Variants in ENPEP observed in about 807,000 individuals in gnomAD.
The protein encoded by ENPEP is glutamyl aminopeptidase, also known as AP-A.
A neutral mutation model predicts 114.5 loss-of-function variants in ENPEP; 103 were observed. The ratio of observed to expected loss-of-function variants is 0.90; its 90% CI spans 0.77 to 1.06. The LOEUF is 1.06. Among genes scored for constraint, ENPEP ranks in the 50% least tolerant of loss-of-function variants. The pLI is 0.00. For missense variants in ENPEP, 1,196 were observed against 1,161.3 expected (o/e 1.03, Z -0.43); for synonymous variants, 420 against 422.0 (o/e 1.00, Z 0.06).
At chr4:110,507,308 G>A (rs914910852) in intron 4 of ENPEP, among the ~76,000 whole-genome samples, 1 of 152,142 alleles carries the variant, frequency 6.6e-6, no homozygotes, top group African/African-American at 2.4e-5. Context: ...TCTTCATAAA[G>A]CAAAAGTGGG....
intron 3 of ENPEP, among the ~76,000 whole-genome samples, chr4:110,494,463 T>C (rs543080118): frequency 1.8e-4 from 28 of 152,364 alleles, no homozygotes; most frequent in African/African-American, 6.7e-4. Flanking sequence ...AGTATTATTC[T>C]GGTACATTAA....
In ENPEP at chr4:110,476,566, C is replaced by G. The variant is rs199759636; in HGVS notation, c.152C>G (p.Pro51Arg). 1.5e-5 allele frequency: 24 copies of G among 1,613,362 alleles called. No individual in the cohort carries two copies. The highest frequency in any genetic ancestry group is 2.0e-5 in the Non-Finnish European group (24 of 1,179,508). Residue 51 changes from proline to arginine, a missense_variant, in exon 1 of 20, where the codon CCG (proline) becomes CGG (arginine). Pro to Arg is a moderately radical substitution (Grantham distance 103, BLOSUM62 -2). Transcript: ENST00000265162. Reference sequence around the variant, plus strand: ...TGTGACTCCAGCGGGGACGGCGGGCCGGGCACTGCGCCAGCTCCTTCCCAC... The same window carrying G: ...TGTGACTCCAGCGGGGACGGCGGGCGGGGCACTGCGCCAGCTCCTTCCCAC... Reference protein sequence around the residue: ...RSCDSSGDGGPGTAPAPSHLP... With the variant: ...RSCDSSGDGGRGTAPAPSHLP...
chr4:110,537,232 AG>A (rs1415012729), intron 11 of ENPEP, among the ~76,000 whole-genome samples: 2 of 152,204 alleles, frequency 1.3e-5, no homozygotes, highest in African/African-American at 4.8e-5. Context: ...CTTTCACAAA[AG>A]GTTTCTTTGA....
At chr4:110,531,669 T>G (rs1371684281) in intron 11 of ENPEP, among the ~76,000 whole-genome samples, 1 of 152,138 alleles carries the variant, frequency 6.6e-6, no homozygotes, top group Non-Finnish European at 1.5e-5. Flanking sequence ...TCCCATTAAA[T>G]TAGACCATTT....
In ENPEP at chr4:110,520,267, G is replaced by A. The variant is rs1397104543; in HGVS notation, c.1628G>A (p.Gly543Asp). Reference protein sequence around the residue: ...EVMDTWTRQMGYPVLNVNGVK... With the variant: ...EVMDTWTRQMDYPVLNVNGVK... ...ATGGACACCTGGACCAGACAGATGG[G>A]TTATCCTGTGCTTAACGTGAACGGT... Residue 543 changes from glycine (G) to aspartate (D), a missense_variant, in exon 10 of 20, where the codon GGT becomes GAT. Coordinates refer to ENST00000265162, the MANE Select transcript of ENPEP (RefSeq NM_001977.4). 1.2e-6 allele frequency: 2 copies of A among 1,613,884 alleles called. No individual in the cohort carries two copies. The highest frequency in any genetic ancestry group is 1.7e-6 in the Non-Finnish European group (2 of 1,179,892).
At chr4:110,523,449 A>T (rs1726081142) in intron 10 of ENPEP, among the ~76,000 whole-genome samples, 1 of 152,154 alleles carries the variant, frequency 6.6e-6, no homozygotes, top group African/African-American at 2.4e-5. Context: ...AGCAGATAGA[A>T]TGATTTTATG....
At chr4:110,551,954 T>G (rs1163672425) in intron 17 of ENPEP, among the ~76,000 whole-genome samples, 2 of 152,140 alleles carry the variant, frequency 1.3e-5, no homozygotes, top group Non-Finnish European at 2.9e-5. Context: ...TCATTGATCA[T>G]ATTTTACCTT....
At chr4:110,556,361 T>C (rs1472553732) in intron 18 of ENPEP, among the ~76,000 whole-genome samples, 1 of 152,118 alleles carries the variant, frequency 6.6e-6, no homozygotes, top group Non-Finnish European at 1.5e-5. Context: ...TGGAAACATA[T>C]TATAAATATG....
intron 13 of ENPEP, 115 bp downstream of exon 13, chr4:110,543,185 C>A: frequency 1.0e-6 from 1 of 995,732 alleles, no homozygotes; most frequent in African/African-American, 1.6e-5. Context: ...ATATCCAAAG[C>A]CACTATTTAA....
At chr4:110,489,683 CCCTATAATGGATAATGTTGTTA>C (rs1560551893) in intron 2 of ENPEP, among the ~76,000 whole-genome samples, 10 of 152,184 alleles carry the variant, frequency 6.6e-5, no homozygotes, top group Non-Finnish European at 1.5e-4. Context: ...TTTGTCTCAT[CCCTATAATGGATAATGTTGTTA>C]CCTAGAGTTT....
rs777951299 is a variant in ENPEP at position 110,520,031 on chromosome 4, C to G, written c.1533C>G (p.Phe511Leu). 1 of 1,613,880 alleles carries G rather than the reference C, an allele frequency of 6.2e-7. No homozygotes were observed. Among genetic ancestry groups the G allele is most frequent in the African/African-American group, 1.3e-5 (1 of 75,018 alleles). Residue 511 changes from phenylalanine (F) to leucine (L), a missense_variant, in exon 9 of 20, where the codon TTC becomes TTG. Phe to Leu is a conservative substitution (Grantham distance 22). Coordinates refer to ENST00000265162, the MANE Select transcript of ENPEP (RefSeq NM_001977.4). ...GCQMYLEKYQ[F>L]KNAKTSDFWA... ...AGATGTACTTGGAAAAATACCAATT[C>G]AAGAATGCAAAAACTTCTGATTTTT...
intron 18 of ENPEP, among the ~76,000 whole-genome samples, chr4:110,559,364 C>T (rs1440601847): frequency 1.3e-5 from 2 of 151,152 alleles, no homozygotes; most frequent in African/African-American, 4.9e-5. Flanking sequence ...TAGCAGGGCG[C>T]TCATGTGTGC....
intron 10 of ENPEP, among the ~76,000 whole-genome samples, chr4:110,527,912 G>A (rs1001798893): frequency 1.3e-5 from 2 of 152,048 alleles, no homozygotes; most frequent in Non-Finnish European, 2.9e-5. Context: ...AATTAATGGG[G>A]TTGGATTTTT....
chr4:110,504,847 G>C (rs1246251281), intron 3 of ENPEP, among the ~76,000 whole-genome samples: 1 of 152,194 alleles, frequency 6.6e-6, no homozygotes, highest in Non-Finnish European at 1.5e-5. Context: ...CATTGAGTCT[G>C]TCTCCTTCCC....
chr4:110,532,145 CA>C (rs1268422863), intron 11 of ENPEP, among the ~76,000 whole-genome samples: 1 of 152,174 alleles, frequency 6.6e-6, no homozygotes, highest in Non-Finnish European at 1.5e-5. Context: ...ATATAATTCA[CA>C]TACCATAAAA....
chr4:110,555,038 T>G (rs139379107), intron 18 of ENPEP, among the ~76,000 whole-genome samples: 1 of 152,144 alleles, frequency 6.6e-6, no homozygotes, highest in African/African-American at 2.4e-5. Flanking sequence ...GTCATAAAAT[T>G]CATAAGTGTC....
intron 18 of ENPEP, among the ~76,000 whole-genome samples, chr4:110,558,492 A>G (rs1562641): frequency 0.86 from 130,606 of 151,790 alleles, 56,473 homozygotes; most frequent in East Asian, 0.92. Context: ...ATGGGGTTTC[A>G]CCATGTTGCC....
rs1256585276 is a variant in ENPEP at position 110,561,702 on chromosome 4, G to A, written c.*144G>A. 2 of 738,334 alleles carry A rather than the reference G, an allele frequency of 2.7e-6. No individual in the cohort carries two copies. Among genetic ancestry groups the A allele is most frequent in the Admixed American group, 6.4e-5 (2 of 31,480 alleles). The allele number at this position is 738,334 out of a possible 1,614,324, so 45.7% of individuals were successfully genotyped here. ...GCACTGTGTTTATATGTCTTGCAAA[G>A]CCTTTAAATTGTTCCTCTTTGTTTA... is the stretch of plus-strand genomic sequence containing the variant. On this transcript the variant is annotated 3_prime_UTR_variant, in exon 20 of 20. Transcript: ENST00000265162.
intron 8 of ENPEP, chr4:110,519,078 C>G (rs1021408655): frequency 4.4e-6 from 2 of 455,662 alleles, no homozygotes; most frequent in Non-Finnish European, 8.8e-6. Flanking sequence ...TTTGCCTGCC[C>G]TCTGGTGGTA....
Sources: allele counts gnomAD v4.1 joint callset (sites outside exome capture counted in the v4.1 genomes callset), GRCh38; gene constraint gnomAD v4.1.1; transcripts MANE v1.5; gene names NCBI Gene and HGNC (gene_info 2026-07-23, HGNC 2026-07-21).